Variants in LGSN observed in about 807,000 individuals in gnomAD.
The protein encoded by LGSN is lengsin.
Under a neutral mutation model 19.5 loss-of-function variants are expected in LGSN, and 21 were observed. That is an observed-to-expected ratio of 1.07 (90% CI 0.76 to 1.55). The LOEUF is 1.55. Among genes scored for constraint, LGSN ranks in the 40% most tolerant of loss-of-function variants. The pLI is 0.00. For synonymous variants in LGSN, 257 were observed against 215.6 expected, an observed-to-expected ratio of 1.19 and a Z score of -1.68; for missense variants, 673 against 608.5, an observed-to-expected ratio of 1.11 and a Z score of -1.12.
At chr6:63,393,380 T>C in the LGSN span, among the ~76,000 whole-genome samples, 1 of 150,126 alleles carries the variant, frequency 6.7e-6, no homozygotes, top group Non-Finnish European at 1.5e-5. Context: ...GGTTTCACCA[T>C]GTTGGTCAGG....
chr6:63,363,985 T>C, the LGSN span, among the ~76,000 whole-genome samples: 1 of 152,110 alleles, frequency 6.6e-6, no homozygotes, highest in African/African-American at 2.4e-5. Flanking sequence ...ATGCCAATTG[T>C]AAAGACCATC....
At chr6:63,518,149 G>A in the LGSN span, among the ~76,000 whole-genome samples, 260 of 130,596 alleles carry the variant, frequency 2.0e-3, no homozygotes, top group Non-Finnish European at 3.4e-3. Flanking sequence ...GTGAGACTCC[G>A]TCTCCAAAAA....
the LGSN span, among the ~76,000 whole-genome samples, chr6:63,418,010 A>G: frequency 3.9e-5 from 6 of 152,224 alleles, no homozygotes; most frequent in African/African-American, 1.4e-4. Context: ...ATTTAACTAT[A>G]TGGAGATAAA....
the LGSN span, among the ~76,000 whole-genome samples, chr6:63,336,557 GTGTGTA>G: frequency 2.4e-4 from 33 of 136,106 alleles, no homozygotes; most frequent in East Asian, 6.4e-4. Flanking sequence ...GTGTGTGTGT[GTGTGTA>G]TATATATATA....
At chr6:63,330,262 C>T in the LGSN span, among the ~76,000 whole-genome samples, 4 of 152,216 alleles carry the variant, frequency 2.6e-5, no homozygotes, top group African/African-American at 4.8e-5. Context: ...TTGGCCTGCT[C>T]CATTTTCTGT....
the LGSN span, among the ~76,000 whole-genome samples, chr6:63,449,845 A>G: frequency 6.6e-6 from 1 of 152,188 alleles, no homozygotes; most frequent in African/African-American, 2.4e-5. Flanking sequence ...TGAACAAGTA[A>G]TGTAAGCCAC....
chr6:63,461,679 T>A, the LGSN span, among the ~76,000 whole-genome samples: 1 of 152,202 alleles, frequency 6.6e-6, no homozygotes, highest in East Asian at 1.9e-4. Flanking sequence ...CTACTCTACA[T>A]TGGACAGTTG....
At chr6:63,481,533 A>G in the LGSN span, among the ~76,000 whole-genome samples, 1 of 151,128 alleles carries the variant, frequency 6.6e-6, no homozygotes, top group Non-Finnish European at 1.5e-5. Flanking sequence ...TTTTTAGTAG[A>G]GACGGGGTTT....
rs550839229 is a variant in LGSN at position 63,286,679 on chromosome 6, C to G, written c.164-926G>C. On this transcript the variant is annotated intron_variant, in intron 2 of 3. Coordinates refer to ENST00000370657, the MANE Select transcript of LGSN (RefSeq NM_016571.3). ...ATAGAATGGTCAGGCAAATAGTACACATTATAAATGTTAGTTGCTGTCAGA... is the reference window on the plus strand; with the variant it reads ...ATAGAATGGTCAGGCAAATAGTACAGATTATAAATGTTAGTTGCTGTCAGA... Among the ~76,000 whole-genome samples the G allele has an allele frequency of 2.0e-5, 3 of 152,306 alleles. No homozygotes were observed. The East Asian group carries it at 5.8e-4, about 29-fold the overall frequency.
At chr6:63,519,629 A>AT in the LGSN span, among the ~76,000 whole-genome samples, 1 of 152,190 alleles carries the variant, frequency 6.6e-6, no homozygotes, top group Admixed American at 6.5e-5. Flanking sequence ...ATTACAGCCC[A>AT]TTATGTGACT....
At chr6:63,541,241 T>C in the LGSN span, among the ~76,000 whole-genome samples, 1 of 152,136 alleles carries the variant, frequency 6.6e-6, no homozygotes, top group Non-Finnish European at 1.5e-5. Context: ...GCCTCCCTCT[T>C]AGCCTCCCTC....
At chr6:63,479,849 C>T in the LGSN span, among the ~76,000 whole-genome samples, 2 of 152,198 alleles carry the variant, frequency 1.3e-5, no homozygotes, top group East Asian at 3.9e-4. Context: ...AAGTCTAAAT[C>T]ACCTATTTCC....
chr6:63,431,657 T>C, the LGSN span, among the ~76,000 whole-genome samples: 1 of 139,508 alleles, frequency 7.2e-6, no homozygotes, highest in East Asian at 2.1e-4. Flanking sequence ...TTAAATTAGA[T>C]CATTTATGTT....
the LGSN span, among the ~76,000 whole-genome samples, chr6:63,374,239 A>C: frequency 2.0e-4 from 31 of 152,168 alleles, no homozygotes; most frequent in Admixed American, 6.5e-5. Flanking sequence ...GCAAAATGTT[A>C]TCTTTGATGC....
the LGSN span, among the ~76,000 whole-genome samples, chr6:63,416,257 C>T: frequency 3.3e-5 from 5 of 152,120 alleles, no homozygotes; most frequent in South Asian, 2.1e-4. Context: ...TCTGCCAACA[C>T]GGGCATACAT....
the LGSN span, among the ~76,000 whole-genome samples, chr6:63,373,115 A>G: frequency 6.6e-6 from 1 of 152,250 alleles, no homozygotes; most frequent in Non-Finnish European, 1.5e-5. Context: ...AAGCTGGCTG[A>G]CATCCCTTTG....
chr6:63,281,074 C>A lies in LGSN; in HGVS notation c.477G>T (p.Leu159Phe). 6.2e-7 allele frequency: 1 copy of A among 1,613,738 alleles called. No individual in the cohort carries two copies. The highest frequency in any genetic ancestry group is 8.5e-7 in the Non-Finnish European group (1 of 1,179,938). Reference protein sequence around the residue: ...LMPELSTFRVLPWADRTARVI... With the variant: ...LMPELSTFRVFPWADRTARVI... ...CTCTTGCAGTTCTGTCAGCCCATGG[C>A]AAAACTCTAAAGGTTGATAACTCTG... Residue 159 changes from leucine to phenylalanine, a missense_variant, in exon 4 of 4, where the codon TTG becomes TTT. Coordinates refer to ENST00000370657, the MANE Select transcript of LGSN (RefSeq NM_016571.3).
the LGSN span, among the ~76,000 whole-genome samples, chr6:63,533,008 T>G: frequency 2.5e-4 from 38 of 152,162 alleles, no homozygotes; most frequent in African/African-American, 9.2e-4. Flanking sequence ...AGACACTGCC[T>G]TTGAAGAGCT....
At chr6:63,447,058 TA>T in the LGSN span, among the ~76,000 whole-genome samples, 1 of 151,998 alleles carries the variant, frequency 6.6e-6, no homozygotes, top group Non-Finnish European at 1.5e-5. Flanking sequence ...TCAAAAAAAT[TA>T]AAAAAAAGTT....
Sources: allele counts gnomAD v4.1 joint callset (sites outside exome capture counted in the v4.1 genomes callset), GRCh38; gene constraint gnomAD v4.1.1; transcripts MANE v1.5; gene names NCBI Gene and HGNC (gene_info 2026-07-23, HGNC 2026-07-21).